Variants in RABGAP1L observed in about 807,000 individuals in gnomAD.
RABGAP1L encodes the protein RAB GTPase activating protein 1 like, also known as rab GTPase-activating protein 1-like.
Under a neutral mutation model 137.7 loss-of-function variants are expected in RABGAP1L, and 63 were observed. The observed-to-expected ratio is 0.46, with a 90% CI of 0.37 to 0.56. RABGAP1L has a LOEUF of 0.56. RABGAP1L is among the 20% of genes least tolerant of loss of function. The pLI is 0.00. For synonymous variants in RABGAP1L, 431 were observed against 433.7 expected (o/e 0.99, Z 0.08); for missense variants, 1,095 against 1,244.0 (o/e 0.88, Z 1.80).
chr1:174,863,942 T>C (rs1239509203), intron 19 of RABGAP1L, among the ~76,000 whole-genome samples: 1 of 152,146 alleles, frequency 6.6e-6, no homozygotes, highest in Non-Finnish European at 1.5e-5. Flanking sequence ...ATCGTGCCAC[T>C]GCACTCCAGC....
intron 14 of RABGAP1L, among the ~76,000 whole-genome samples, chr1:174,657,990 A>G (rs1413221826): frequency 1.3e-5 from 2 of 152,152 alleles, no homozygotes; most frequent in African/African-American, 2.4e-5. Context: ...AATAATGATA[A>G]TTCTCTGGGA....
At chr1:174,896,876 T>G (rs1470391139) in intron 19 of RABGAP1L, 2 of 152,232 alleles carry the variant, frequency 1.3e-5, no homozygotes, top group Non-Finnish European at 2.9e-5. Context: ...GGTAGCATGA[T>G]GCCTCCAGCT....
intron 13 of RABGAP1L, among the ~76,000 whole-genome samples, chr1:174,508,249 G>A (rs1558293914): frequency 6.6e-6 from 1 of 152,002 alleles, no homozygotes; most frequent in Non-Finnish European, 1.5e-5. Flanking sequence ...TCGACTCATT[G>A]TTATTTTTTC....
intron 13 of RABGAP1L, among the ~76,000 whole-genome samples, chr1:174,573,382 A>G (rs1379998347): frequency 6.6e-6 from 1 of 152,062 alleles, no homozygotes; most frequent in Non-Finnish European, 1.5e-5. Flanking sequence ...TTGAAATTAA[A>G]TCTGGCTTCA....
chr1:174,201,449 T>G lies in RABGAP1L; in HGVS notation c.-33-17676T>G, dbSNP rs1420388864. On this transcript the variant is annotated intron_variant, in intron 1 of 25. Coordinates refer to ENST00000681986, the MANE Select transcript of RABGAP1L (RefSeq NM_001366446.1). ...CTGAGCTCAGGTGATCCGCCCACCT[T>G]GGCCTCCCAAGGGGCTGGGATTACA... Among the ~76,000 whole-genome samples, 3 of 152,200 alleles carry G rather than the reference T, an allele frequency of 2.0e-5. No homozygotes were observed. In the East Asian group the frequency reaches 5.8e-4, roughly 29 times the overall value.
At chr1:174,195,749 TTCTC>T (rs745417734) in intron 1 of RABGAP1L, among the ~76,000 whole-genome samples, 13 of 139,212 alleles carry the variant, frequency 9.3e-5, no homozygotes, top group African/African-American at 2.7e-4. Flanking sequence ...CTTTCTTTCT[TTCTC>T]TCTTTCTCTC....
At chr1:174,284,734 C>CTTTTTTTTTTTTTTTTT (rs59344382) in intron 10 of RABGAP1L, among the ~76,000 whole-genome samples, 11 of 42,612 alleles carry the variant, frequency 2.6e-4, no homozygotes, top group Admixed American at 5.4e-4. Flanking sequence ...TATTTCTTGT[C>CTTTTTTTTTTTTTTTTT]TTTTTTTTTT....
chr1:174,984,233 A>G (rs1173651921), intron 24 of RABGAP1L, among the ~76,000 whole-genome samples: 1 of 151,848 alleles, frequency 6.6e-6, no homozygotes, highest in Non-Finnish European at 1.5e-5. Flanking sequence ...TTCTGTGTCC[A>G]TGTGTTCTCA....
intron 13 of RABGAP1L, among the ~76,000 whole-genome samples, chr1:174,468,574 C>G (rs554473896): frequency 1.3e-5 from 2 of 152,102 alleles, no homozygotes; most frequent in Admixed American, 1.3e-4. Context: ...ACAGCGTGGG[C>G]AGATATTTTT....
At chr1:174,639,682 A>G (rs987267693) in intron 14 of RABGAP1L, among the ~76,000 whole-genome samples, 2 of 152,104 alleles carry the variant, frequency 1.3e-5, no homozygotes, top group African/African-American at 4.8e-5. Flanking sequence ...CTGACTTAAC[A>G]TTTTGCTCCA....
At chr1:174,165,861 A>C (rs1424102200) in intron 1 of RABGAP1L, among the ~76,000 whole-genome samples, 1 of 152,198 alleles carries the variant, frequency 6.6e-6, no homozygotes, top group Non-Finnish European at 1.5e-5. Flanking sequence ...AACTAGTATG[A>C]GAGAAAGGCC....
At chr1:174,757,468 A>G (rs1304778460) in intron 18 of RABGAP1L, among the ~76,000 whole-genome samples, 1 of 151,004 alleles carries the variant, frequency 6.6e-6, no homozygotes, top group East Asian at 1.9e-4. Flanking sequence ...CTCTTCAAAA[A>G]TTTCTAAACA....
chr1:174,431,927 CTT>C (rs1228194063), intron 13 of RABGAP1L, among the ~76,000 whole-genome samples: 3 of 151,880 alleles, frequency 2.0e-5, no homozygotes, highest in Admixed American at 2.0e-4. Flanking sequence ...TTTTTAAAAA[CTT>C]GGGATCATTT....
Position 174,484,425 on chromosome 1 carries a change from A to G in RABGAP1L, c.1710+90280A>G, listed in dbSNP as rs535121176. ...TACCTTGATGTGATCCCATTTGTCC[A>G]TGTTTGCTTTGGTTGCCTGTGCTTG... On this transcript the variant is annotated intron_variant, in intron 13 of 25. Coordinates refer to ENST00000681986, the MANE Select transcript of RABGAP1L (RefSeq NM_001366446.1). Among the ~76,000 whole-genome samples the G allele has an allele frequency of 9.2e-5, 14 of 152,228 alleles. No individual in the cohort carries two copies. The South Asian group carries it at 2.5e-3, about 27-fold the overall frequency.
chr1:174,322,698 A>G (rs1680103487), intron 11 of RABGAP1L, among the ~76,000 whole-genome samples: 1 of 152,120 alleles, frequency 6.6e-6, no homozygotes, highest in Non-Finnish European at 1.5e-5. Context: ...ACATTGTGTG[A>G]TTCTACTGTA....
At chr1:174,275,190 G>A (rs1340485881) in intron 8 of RABGAP1L, 2 of 152,102 alleles carry the variant, frequency 1.3e-5, no homozygotes, top group African/African-American at 4.8e-5. Context: ...GAAAGAGGGA[G>A]TAAGTGTAAC....
At chr1:174,211,172 A>G (rs1668858035) in intron 1 of RABGAP1L, among the ~76,000 whole-genome samples, 1 of 152,186 alleles carries the variant, frequency 6.6e-6, no homozygotes, top group African/African-American at 2.4e-5. Flanking sequence ...GTAATAGTAA[A>G]TTCACAGAAA....
intron 19 of RABGAP1L, among the ~76,000 whole-genome samples, chr1:174,844,623 T>C (rs1237487671): frequency 7.2e-6 from 1 of 137,976 alleles, no homozygotes; most frequent in African/African-American, 2.7e-5. Context: ...TTTTGGTTAC[T>C]GTAGCCTTGA....
At position 174,527,101 on chromosome 1, in the gene RABGAP1L, A is replaced by C. The variant is rs139786064; in HGVS notation, c.1711-110274A>C. Among the ~76,000 whole-genome samples, 375 of 151,518 alleles carry C rather than the reference A, an allele frequency of 2.5e-3. 2 individuals are homozygous for C. Among genetic ancestry groups the C allele is most frequent in the African/African-American group, 8.3e-3 (342 of 41,288 alleles). On this transcript the variant is annotated intron_variant, in intron 13 of 25. Coordinates refer to ENST00000681986, the MANE Select transcript of RABGAP1L (RefSeq NM_001366446.1). ...ATTGACCCAGTGTTTGTTCAGGAGC[A>C]TTTTGTTCAACATCCCTGAATCTAT... is the stretch of plus-strand genomic sequence containing the variant.
Sources: allele counts gnomAD v4.1 joint callset (sites outside exome capture counted in the v4.1 genomes callset), GRCh38; gene constraint gnomAD v4.1.1; transcripts MANE v1.5; gene names NCBI Gene and HGNC (gene_info 2026-07-23, HGNC 2026-07-21).